Variants in FCHSD2 observed in about 807,000 individuals in gnomAD.
The protein encoded by FCHSD2 is F-BAR and double SH3 domains protein 2.
Under a neutral mutation model 108.1 loss-of-function variants are expected in FCHSD2, and 38 were observed. The ratio of observed to expected loss-of-function variants is 0.35; its 90% confidence interval spans 0.27 to 0.46. The LOEUF (loss-of-function observed/expected upper bound fraction) is 0.46, where lower values mean the gene tolerates loss of function less well. Among genes scored for constraint, FCHSD2 ranks in the 20% least tolerant of loss-of-function variants. The pLI, the probability that FCHSD2 is intolerant of heterozygous loss-of-function variation, is 1.00. For missense variants in FCHSD2, 751 were observed against 897.8 expected, an observed-to-expected ratio of 0.84 and a Z score of 2.09; for synonymous variants, 279 against 314.7, an observed-to-expected ratio of 0.89 and a Z score of 1.20.
chr11:72,998,349 G>A (rs1591470141), intron 5 of FCHSD2, among the ~76,000 whole-genome samples: 1 of 152,242 alleles, frequency 6.6e-6, no homozygotes, highest in East Asian at 1.9e-4. Flanking sequence ...GGACCAGCCT[G>A]GCCAACATGG....
chr11:73,001,979 C>A (rs1401567243), intron 4 of FCHSD2, among the ~76,000 whole-genome samples: 1 of 152,092 alleles, frequency 6.6e-6, no homozygotes, highest in East Asian at 1.9e-4. Context: ...TAAACACAAT[C>A]GATAATTTAT....
At chr11:73,071,966 G>A (rs1859447831) in intron 3 of FCHSD2, among the ~76,000 whole-genome samples, 2 of 152,066 alleles carry the variant, frequency 1.3e-5, no homozygotes, top group South Asian at 4.2e-4. Context: ...ATATAGAGAG[G>A]TTAAGACAGA....
At chr11:73,052,665 A>G (rs949154629) in intron 3 of FCHSD2, among the ~76,000 whole-genome samples, 14 of 152,224 alleles carry the variant, frequency 9.2e-5, no homozygotes, top group African/African-American at 3.1e-4. Context: ...TAATGTTTTA[A>G]AGGTGTGAAT....
At chr11:72,858,154 C>A (rs1316033975) in intron 13 of FCHSD2, among the ~76,000 whole-genome samples, 1 of 152,176 alleles carries the variant, frequency 6.6e-6, no homozygotes, top group Non-Finnish European at 1.5e-5. Flanking sequence ...ATACCTAATA[C>A]AGAGGAAGAC....
intron 3 of FCHSD2, among the ~76,000 whole-genome samples, chr11:73,035,821 A>G (rs1858483093): frequency 6.6e-6 from 1 of 151,812 alleles, no homozygotes; most frequent in Non-Finnish European, 1.5e-5. Flanking sequence ...CCCAGATTCA[A>G]GCAATTCTCC....
chr11:73,016,431 T>C (rs2135434075), intron 3 of FCHSD2, among the ~76,000 whole-genome samples: 1 of 152,316 alleles, frequency 6.6e-6, no homozygotes, highest in Non-Finnish European at 1.5e-5. Flanking sequence ...TCTCCATTTT[T>C]AGGAAAAGGG....
chr11:72,881,785 G>T (rs1284935108), intron 12 of FCHSD2, among the ~76,000 whole-genome samples: 1 of 152,238 alleles, frequency 6.6e-6, no homozygotes, highest in Non-Finnish European at 1.5e-5. Context: ...GGCACAGAAA[G>T]ACAAATATCA....
At chr11:73,030,566 C>T (rs1858335374) in intron 3 of FCHSD2, among the ~76,000 whole-genome samples, 1 of 152,050 alleles carries the variant, frequency 6.6e-6, no homozygotes, top group African/African-American at 2.4e-5. Flanking sequence ...AGGTCTCTTA[C>T]CTGATGACCT....
intron 12 of FCHSD2, among the ~76,000 whole-genome samples, chr11:72,880,145 G>A (rs966455489): frequency 2.0e-5 from 3 of 151,392 alleles, no homozygotes; most frequent in Admixed American, 1.3e-4. Context: ...ATTTAACCAA[G>A]GAAGTGAAAG....
At chr11:72,897,489 G>T (rs1033154625) in intron 10 of FCHSD2, among the ~76,000 whole-genome samples, 1 of 152,082 alleles carries the variant, frequency 6.6e-6, no homozygotes, top group African/African-American at 2.4e-5. Context: ...ATGTGCACAG[G>T]TTATATGCAA....
chr11:72,842,629 C>G lies in FCHSD2; in HGVS notation c.1918G>C (p.Glu640Gln), dbSNP rs570031472. Residue 640 changes from glutamate (E) to glutamine (Q), a missense_variant, in exon 17 of 20, where the codon GAG becomes CAG. Coordinates refer to ENST00000409418, the MANE Select transcript of FCHSD2 (RefSeq NM_014824.3). ...SENGDTPWMR[E>Q]IQISPSPKPH... ...TCTCCCCTCTCAGGTACCTGAATCT[C>G]TCTCATCCATGGAGTGTCACCATTT... The G allele has an allele frequency of 6.2e-7, 1 of 1,614,034 alleles. No individual in the cohort carries two copies. The highest frequency in any genetic ancestry group is 8.5e-7 in the Non-Finnish European group (1 of 1,179,900).
chr11:73,006,398 T>C (rs968500720), intron 4 of FCHSD2, among the ~76,000 whole-genome samples: 1 of 152,228 alleles, frequency 6.6e-6, no homozygotes, highest in Non-Finnish European at 1.5e-5. Context: ...AACCTTCTAG[T>C]AGTTGGCTCA....
intron 8 of FCHSD2, among the ~76,000 whole-genome samples, chr11:72,981,764 C>T (rs1857219907): frequency 6.6e-6 from 1 of 152,114 alleles, no homozygotes; most frequent in Non-Finnish European, 1.5e-5. Flanking sequence ...TCTCTTAAGC[C>T]CAGGAGTTAA....
intron 8 of FCHSD2, among the ~76,000 whole-genome samples, chr11:72,930,802 G>GGGTTGA (rs1229013977): frequency 3.3e-5 from 5 of 152,110 alleles, no homozygotes; most frequent in Admixed American, 1.3e-4. Context: ...AATTTTTAAA[G>GGGTTGA]GGTAGTAGGG....
At chr11:72,855,206 G>A (rs768224903) in intron 13 of FCHSD2, among the ~76,000 whole-genome samples, 5 of 152,200 alleles carry the variant, frequency 3.3e-5, no homozygotes, top group African/African-American at 4.8e-5. Context: ...CTGGGAGGCG[G>A]AGGTTGCTGT....
intron 5 of FCHSD2, among the ~76,000 whole-genome samples, chr11:72,992,412 A>C (rs1173744864): frequency 6.6e-6 from 1 of 151,446 alleles, no homozygotes; most frequent in African/African-American, 2.4e-5. Flanking sequence ...GAAAAGACTA[A>C]AGTTCATATG....
intron 8 of FCHSD2, among the ~76,000 whole-genome samples, chr11:72,941,364 G>A (rs1856414935): frequency 6.6e-6 from 1 of 150,440 alleles, no homozygotes; most frequent in South Asian, 2.1e-4. Flanking sequence ...GTATCTAAGA[G>A]GATATAAAAA....
intron 3 of FCHSD2, among the ~76,000 whole-genome samples, chr11:73,053,653 T>C (rs1036287958): frequency 1.3e-5 from 2 of 152,246 alleles, no homozygotes; most frequent in African/African-American, 4.8e-5. Flanking sequence ...CTATGTCATA[T>C]TAAAATTGTT....
chr11:72,877,005 T>TTTG (rs1316101424), intron 12 of FCHSD2, among the ~76,000 whole-genome samples: 168 of 152,140 alleles, frequency 1.1e-3, no homozygotes, highest in African/African-American at 3.8e-3. Context: ...GGGTCTGGAC[T>TTTG]TTGTTGTCTA....
Sources: allele counts gnomAD v4.1 joint callset (sites outside exome capture counted in the v4.1 genomes callset), GRCh38; gene constraint gnomAD v4.1.1; transcripts MANE v1.5; gene names NCBI Gene and HGNC (gene_info 2026-07-23, HGNC 2026-07-21).